Variants in VIT observed in about 807,000 individuals in gnomAD.
The protein encoded by VIT is vitrin.
A neutral mutation model predicts 78.0 loss-of-function variants in VIT; 99 were observed. The ratio of observed to expected loss-of-function variants is 1.27; its 90% CI spans 1.08 to 1.50. The LOEUF (loss-of-function observed/expected upper bound fraction) is 1.50, where lower values mean the gene tolerates loss of function less well. Ranked by LOEUF, VIT falls within the 40% of genes most tolerant of loss-of-function variation. The pLI is 0.00. For missense variants in VIT, 1,126 were observed against 875.3 expected (o/e 1.29, Z -3.61); for synonymous variants, 374 against 334.3 (o/e 1.12, Z -1.29).
chr2:36,809,391 C>T (rs1312598974), intron 15 of VIT, among the ~76,000 whole-genome samples: 1 of 152,126 alleles, frequency 6.6e-6, no homozygotes, highest in Non-Finnish European at 1.5e-5. Flanking sequence ...GTACTTAGAC[C>T]ACCAACTTGT....
chr2:36,783,919 C>T (rs761077583), intron 11 of VIT, among the ~76,000 whole-genome samples: 4 of 152,188 alleles, frequency 2.6e-5, no homozygotes, highest in East Asian at 1.9e-4. Flanking sequence ...TCATTTTCTT[C>T]GAGACATTTG....
intron 12 of VIT, among the ~76,000 whole-genome samples, chr2:36,795,538 G>A (rs1302198870): frequency 7.9e-5 from 12 of 151,730 alleles, no homozygotes; most frequent in Admixed American, 7.2e-4. Flanking sequence ...TCAGCCTCCC[G>A]AGTAGCTGGG....
intron 9 of VIT, among the ~76,000 whole-genome samples, chr2:36,776,918 T>C (rs553523042): frequency 1.1e-4 from 16 of 150,008 alleles, no homozygotes; most frequent in South Asian, 2.1e-4. Context: ...TGAAACTCCG[T>C]CTCTACTAAA....
intron 3 of VIT, among the ~76,000 whole-genome samples, chr2:36,736,805 A>T (rs1021341431): frequency 6.6e-6 from 1 of 152,224 alleles, no homozygotes; most frequent in Admixed American, 6.5e-5. Flanking sequence ...ATGCTCCTTG[A>T]CTTACAATGG....
At chr2:36,748,360 G>A (rs1259300533) in intron 4 of VIT, among the ~76,000 whole-genome samples, 1 of 152,138 alleles carries the variant, frequency 6.6e-6, no homozygotes, top group East Asian at 1.9e-4. Context: ...TCTCAGGAAG[G>A]CCAATGAGTC....
At chr2:36,807,031 C>G (rs1666780689) in intron 14 of VIT, among the ~76,000 whole-genome samples, 1 of 152,188 alleles carries the variant, frequency 6.6e-6, no homozygotes, top group Non-Finnish European at 1.5e-5. Flanking sequence ...ACACACCCAT[C>G]CCAGAGGGCA....
At chr2:36,761,733 C>A (rs1344609965) in intron 6 of VIT, among the ~76,000 whole-genome samples, 1 of 151,680 alleles carries the variant, frequency 6.6e-6, no homozygotes, top group African/African-American at 2.4e-5. Flanking sequence ...GAACGAGACT[C>A]CATCTAAAAA....
intron 2 of VIT, among the ~76,000 whole-genome samples, chr2:36,718,076 A>G (rs1666276155): frequency 6.6e-6 from 1 of 152,138 alleles, no homozygotes; most frequent in African/African-American, 2.4e-5. Context: ...TTATAATGAC[A>G]TCAGTCATAT....
intron 12 of VIT, chr2:36,787,900 C>A (rs1665216949): frequency 2.2e-6 from 1 of 448,388 alleles, no homozygotes; most frequent in Non-Finnish European, 4.5e-6. Flanking sequence ...CCAACCTGCT[C>A]TATTATTATA....
chr2:36,748,228 T>C (rs1016168227), intron 4 of VIT, among the ~76,000 whole-genome samples: 35 of 152,200 alleles, frequency 2.3e-4, no homozygotes, highest in African/African-American at 8.0e-4. Context: ...AGTATCTCAC[T>C]CACAGAGATT....
intron 12 of VIT, among the ~76,000 whole-genome samples, chr2:36,794,031 G>T (rs4670613): frequency 0.64 from 97,827 of 152,010 alleles, 32,241 homozygotes; most frequent in East Asian, 0.99. Context: ...TCATCAGGTA[G>T]GTCTGGAAAC....
At chr2:36,781,442 G>T (rs1664744428) in intron 9 of VIT, among the ~76,000 whole-genome samples, 1 of 152,186 alleles carries the variant, frequency 6.6e-6, no homozygotes, top group Non-Finnish European at 1.5e-5. Flanking sequence ...TGGAGTGGAT[G>T]AATTTTTAGT....
intron 3 of VIT, among the ~76,000 whole-genome samples, chr2:36,731,275 T>G (rs773449926): frequency 6.6e-6 from 1 of 152,008 alleles, no homozygotes; most frequent in African/African-American, 2.4e-5. Context: ...CATTTTTATT[T>G]TATTTTATTT....
chr2:36,800,043 T>C (rs1167628695), intron 12 of VIT, among the ~76,000 whole-genome samples: 3 of 124,706 alleles, frequency 2.4e-5, no homozygotes, highest in African/African-American at 3.9e-5. Flanking sequence ...CGAGACTCCG[T>C]CTCAAAAAAA....
intron 12 of VIT, 153 bp from the exon 13 acceptor site, chr2:36,801,148 A>G: frequency 1.4e-6 from 1 of 714,684 alleles, no homozygotes; most frequent in Middle Eastern, 2.5e-4. Flanking sequence ...TTTTCTCTAC[A>G]CACACCAGTC....
chr2:36,773,991 C>T, intron 8 of VIT, 144 bp downstream of exon 8: 1 of 708,730 alleles, frequency 1.4e-6, no homozygotes, highest in Non-Finnish European at 2.1e-6. Flanking sequence ...CACTCAAGGG[C>T]CCAACTTCTA....
intron 15 of VIT, among the ~76,000 whole-genome samples, chr2:36,809,423 A>G (rs114302505): frequency 0.014 from 2,193 of 152,178 alleles, 26 homozygotes; most frequent in Non-Finnish European, 0.025. Flanking sequence ...TTATTTATTT[A>G]TTTATTTATT....
At chr2:36,791,029 C>A (rs1665462223) in intron 12 of VIT, among the ~76,000 whole-genome samples, 1 of 152,224 alleles carries the variant, frequency 6.6e-6, no homozygotes, top group Admixed American at 6.5e-5. Context: ...ACTTTCATTT[C>A]AGGCCCCCAT....
rs188099965 is a variant in VIT, at chr2:36,794,769, C to T, written c.1059-6532C>T. Reference sequence around the variant, plus strand: ...TCAGAGGTCCTCTGATCCAACCTTTCGATCTATTTAAATAAATAAATGTGG... The same window carrying T: ...TCAGAGGTCCTCTGATCCAACCTTTTGATCTATTTAAATAAATAAATGTGG... On this transcript the variant is annotated intron_variant, in intron 12 of 15. Coordinates refer to ENST00000379242, the MANE Select transcript of VIT (RefSeq NM_053276.4). 1.4e-4 allele frequency among the ~76,000 whole-genome samples: 21 copies of T among 152,166 alleles called. No individual in the cohort carries two copies. In the East Asian group the frequency reaches 3.3e-3, roughly 24 times the overall value.
Sources: allele counts gnomAD v4.1 joint callset (sites outside exome capture counted in the v4.1 genomes callset), GRCh38; gene constraint gnomAD v4.1.1; transcripts MANE v1.5; gene names NCBI Gene and HGNC (gene_info 2026-07-23, HGNC 2026-07-21).